The following GADL1 variants were observed in gnomAD, a reference collection of about 807,000 sequenced individuals.
The protein encoded by GADL1 is acidic amino acid decarboxylase GADL1.
A neutral mutation model predicts 69.5 loss-of-function variants in GADL1; 71 were observed. The observed-to-expected ratio is 1.02, with a 90% CI of 0.84 to 1.25. The LOEUF is 1.25. GADL1 is among the 50% of genes most tolerant of loss of function. The probability of loss-of-function intolerance (pLI) is 0.00; values close to 1 mark genes in which losing one functional copy is unlikely to be tolerated. For synonymous variants in GADL1, 254 were observed against 214.4 expected, an observed-to-expected ratio of 1.18 and a Z score of -1.62; for missense variants, 737 against 631.8, an observed-to-expected ratio of 1.17 and a Z score of -1.79.
intron 11 of GADL1, among the ~76,000 whole-genome samples, chr3:30,833,530 TAATC>T (rs1697824503): frequency 6.6e-6 from 1 of 152,042 alleles, no homozygotes; most frequent in South Asian, 2.1e-4. Context: ...ATCCCAGACT[TAATC>T]AAGGAGAAAA....
At chr3:30,866,742 C>T (rs1000541917) in intron 1 of GADL1, among the ~76,000 whole-genome samples, 4 of 152,002 alleles carry the variant, frequency 2.6e-5, no homozygotes, top group African/African-American at 9.7e-5. Context: ...CTTCCTAGAC[C>T]TTCTGCCTTG....
chr3:30,802,205 T>C (rs1235119547), intron 11 of GADL1, among the ~76,000 whole-genome samples: 2 of 152,306 alleles, frequency 1.3e-5, no homozygotes, highest in South Asian at 4.1e-4. Context: ...GCCTTGGTCC[T>C]GTGCTTTCCG....
At chr3:30,775,734 C>T (rs1315196700) in intron 14 of GADL1, among the ~76,000 whole-genome samples, 1 of 152,100 alleles carries the variant, frequency 6.6e-6, no homozygotes, top group African/African-American at 2.4e-5. Flanking sequence ...ACTGTATGAT[C>T]ATCCATTTTG....
chr3:30,845,336 C>T (rs896179322), intron 6 of GADL1, among the ~76,000 whole-genome samples: 3 of 152,094 alleles, frequency 2.0e-5, no homozygotes, highest in Non-Finnish European at 4.4e-5. Flanking sequence ...GCTCTTCATA[C>T]ATTAGTGAGG....
intron 14 of GADL1, among the ~76,000 whole-genome samples, chr3:30,777,262 C>T (rs775807278): frequency 1.5e-4 from 23 of 150,978 alleles, no homozygotes; most frequent in Non-Finnish European, 3.1e-4. Flanking sequence ...AAAAAAAAAA[C>T]GTTTTCCCCC....
chr3:30,766,110 T>C (rs1055186440), intron 14 of GADL1, among the ~76,000 whole-genome samples: 5 of 152,132 alleles, frequency 3.3e-5, no homozygotes, highest in African/African-American at 1.2e-4. Context: ...AAGTTATAAA[T>C]GGCTTACAAA....
chr3:30,865,520 G>T (rs892540423), intron 1 of GADL1, among the ~76,000 whole-genome samples: 1 of 151,968 alleles, frequency 6.6e-6, no homozygotes, highest in Non-Finnish European at 1.5e-5. Context: ...TGCCGTCGCA[G>T]GTTGTCTGTA....
intron 8 of GADL1, among the ~76,000 whole-genome samples, chr3:30,842,060 C>A (rs1333470387): frequency 6.6e-6 from 1 of 151,958 alleles, no homozygotes; most frequent in Non-Finnish European, 1.5e-5. Context: ...TTCAACAAAT[C>A]AATGGTAGTG....
In GADL1 at chr3:30,754,433, TAAAGG is replaced by T. The variant is rs1468305678; in HGVS notation, c.1392+23741_1392+23745del. Among the ~76,000 whole-genome samples the T allele has an allele frequency of 3.3e-5, 5 of 152,220 alleles. No homozygotes were observed. The East Asian group carries it at 9.7e-4, about 29-fold the overall frequency. On this transcript the variant is annotated intron_variant, in intron 14 of 14. Coordinates refer to ENST00000282538, the MANE Select transcript of GADL1 (RefSeq NM_207359.3). ...CCATAAGCCTTAAAAGCATGAATCC[TAAAGG>T]GATATAGAAAAAAGCCTCATAGGAA...
intron 14 of GADL1, among the ~76,000 whole-genome samples, chr3:30,756,955 A>G (rs1396247659): frequency 1.3e-5 from 2 of 152,208 alleles, no homozygotes; most frequent in African/African-American, 2.4e-5. Flanking sequence ...TGGGGGGGAC[A>G]TGTCAAAGGA....
At chr3:30,823,831 T>C (rs1256661010) in intron 11 of GADL1, among the ~76,000 whole-genome samples, 1 of 151,930 alleles carries the variant, frequency 6.6e-6, no homozygotes, top group Non-Finnish European at 1.5e-5. Flanking sequence ...TTAGAAATTA[T>C]AAAGCTAGAA....
intron 11 of GADL1, among the ~76,000 whole-genome samples, chr3:30,819,051 G>A (rs1475302250): frequency 6.6e-6 from 1 of 151,988 alleles, no homozygotes; most frequent in East Asian, 1.9e-4. Flanking sequence ...CTAGATAAAA[G>A]GCCATCTCTA....
chr3:30,792,673 C>G (rs1277804533), intron 12 of GADL1, among the ~76,000 whole-genome samples: 1 of 152,154 alleles, frequency 6.6e-6, no homozygotes, highest in Non-Finnish European at 1.5e-5. Flanking sequence ...TTCAGCTAGC[C>G]ATGCTCTGTG....
At chr3:30,875,987 G>A (rs191904040) in intron 1 of GADL1, among the ~76,000 whole-genome samples, 192 of 152,082 alleles carry the variant, frequency 1.3e-3, no homozygotes, top group African/African-American at 4.2e-3. Flanking sequence ...ATTCTTGCCA[G>A]TTCCTCAGGA....
intron 1 of GADL1, among the ~76,000 whole-genome samples, chr3:30,881,537 G>T (rs1698640504): frequency 6.8e-6 from 1 of 148,076 alleles, no homozygotes; most frequent in African/African-American, 2.4e-5. Context: ...GACCTTCATG[G>T]GAGACCCTGA....
intron 14 of GADL1, among the ~76,000 whole-genome samples, chr3:30,731,260 C>T (rs1289523417): frequency 1.3e-5 from 2 of 152,208 alleles, no homozygotes; most frequent in Non-Finnish European, 2.9e-5. Context: ...GTATAACTGG[C>T]TCTGGCTTGT....
chr3:30,832,347 A>G (rs975221588), intron 11 of GADL1, among the ~76,000 whole-genome samples: 1 of 151,934 alleles, frequency 6.6e-6, no homozygotes, highest in Non-Finnish European at 1.5e-5. Flanking sequence ...TTTAAAAAAA[A>G]AAAAAACCCT....
At chr3:30,825,640 G>A (rs1054619233) in intron 11 of GADL1, among the ~76,000 whole-genome samples, 6 of 148,320 alleles carry the variant, frequency 4.0e-5, no homozygotes, top group East Asian at 2.0e-4. Flanking sequence ...TCAGAGTAGC[G>A]ATAAAAGAGA....
chr3:30,749,819 A>G (rs1374456841), intron 14 of GADL1, among the ~76,000 whole-genome samples: 1 of 152,188 alleles, frequency 6.6e-6, no homozygotes, highest in African/African-American at 2.4e-5. Context: ...TTAGACTTAT[A>G]CTCAGGGACC....
Sources: gnomAD v4.1 joint callset for allele counts (sites outside exome capture counted in the v4.1 genomes callset) on GRCh38, gnomAD v4.1.1 for gene constraint, MANE v1.5 for transcripts, NCBI Gene and HGNC (gene_info 2026-07-23, HGNC 2026-07-21) for gene names.